Variants in TTC19 observed in about 807,000 individuals in gnomAD.
The protein encoded by TTC19 is tetratricopeptide repeat domain 19.
In TTC19, 38 loss-of-function variants were observed where a neutral mutation model predicts 49.5. The ratio of observed to expected loss-of-function variants is 0.77; its 90% CI spans 0.59 to 1.01. The LOEUF is 1.01. TTC19 is among the 50% of genes least tolerant of loss of function. The pLI, the probability that TTC19 is intolerant of heterozygous loss-of-function variation, is 0.00. For missense variants in TTC19, 475 were observed against 477.7 expected, an observed-to-expected ratio of 0.99 and a Z score of 0.05; for synonymous variants, 204 against 185.2, an observed-to-expected ratio of 1.10 and a Z score of -0.83.
chr17:16,035,681 A>G (rs550989441), intron 2 of TTC19, among the ~76,000 whole-genome samples: 101 of 152,072 alleles, frequency 6.6e-4, no homozygotes, highest in Non-Finnish European at 1.3e-3. Context: ...AGCTGGGACC[A>G]CAGGTACACA....
chr17:16,011,294 C>T (rs1971061755), intron 7 of TTC19, among the ~76,000 whole-genome samples: 1 of 152,190 alleles, frequency 6.6e-6, no homozygotes, highest in Non-Finnish European at 1.5e-5. Context: ...AATTCTCATG[C>T]CTCTGCTTCC....
intron 2 of TTC19, among the ~76,000 whole-genome samples, chr17:16,038,983 A>T (rs1445747858): frequency 6.6e-6 from 1 of 152,070 alleles, no homozygotes; most frequent in Non-Finnish European, 1.5e-5. Context: ...GTTGGCCAGG[A>T]TGGTCTCGAT....
chr17:16,001,099 C>T (rs1400352954), intron 2 of TTC19, among the ~76,000 whole-genome samples: 1 of 152,148 alleles, frequency 6.6e-6, no homozygotes, highest in East Asian at 1.9e-4. Flanking sequence ...TCTTTCCTGG[C>T]CTCCTGGCCT....
rs1971643277 is a variant in TTC19, at chr17:16,028,142, C to A, written c.*620C>A. ...CATTTGAATTTAAATAAAAGTGAAC[C>A]ATATTTATCTGGTTATATAAAACTA... On this transcript the variant is annotated 3_prime_UTR_variant, in exon 10 of 10. Coordinates refer to ENST00000261647, the MANE Select transcript of TTC19 (RefSeq NM_017775.4). 1 of 453,868 alleles carries A rather than the reference C, an allele frequency of 2.2e-6. No homozygotes were observed. The highest frequency in any genetic ancestry group is 2.0e-5 in the African/African-American group (1 of 49,972). The allele number at this position is 453,868 out of a possible 1,614,324, so 28.1% of individuals were successfully genotyped here. A position where few individuals can be genotyped will look rare whatever the true frequency, so the allele number is the denominator to read the frequency against.
downstream of TTC19, chr17:16,032,588 A>T: frequency 1.8e-6 from 2 of 1,105,730 alleles, no homozygotes; most frequent in Non-Finnish European, 2.5e-6. Flanking sequence ...TAAAATGGTC[A>T]TGTGACACCA....
chr17:16,004,284 T>G, intron 6 of TTC19, 22 bp downstream of exon 6: 1 of 1,610,798 alleles, frequency 6.2e-7, no homozygotes, highest in Non-Finnish European at 8.5e-7. Context: ...AGCCAGGGAG[T>G]AGGACTGTGG....
chr17:16,004,292 T>C, intron 6 of TTC19, 30 bp downstream of exon 6: 3 of 1,605,018 alleles, frequency 1.9e-6, no homozygotes, highest in East Asian at 2.2e-5. Context: ...AGTAGGACTG[T>C]GGGCAGGAAA....
At chr17:16,038,277 G>C (rs561882190) in intron 2 of TTC19, among the ~76,000 whole-genome samples, 1 of 152,198 alleles carries the variant, frequency 6.6e-6, no homozygotes, top group African/African-American at 2.4e-5. Context: ...TGGTTTTTTT[G>C]TGTGCTTGTT....
At chr17:16,039,898 C>T (rs2057235152) in intron 2 of TTC19, 2 of 450,312 alleles carry the variant, frequency 4.4e-6, no homozygotes, top group Non-Finnish European at 8.2e-6. Flanking sequence ...TCAAGGGATT[C>T]TCCTACCTCA....
intron 2 of TTC19, among the ~76,000 whole-genome samples, chr17:16,043,025 G>A (rs949715010): frequency 2.0e-5 from 3 of 152,108 alleles, no homozygotes; most frequent in African/African-American, 4.8e-5. Flanking sequence ...TAACAATCAA[G>A]GGCCAGGCAA....
chr17:16,000,134 G>C lies in TTC19; in HGVS notation c.201G>C (p.Ser67=), dbSNP rs1207422191. The change falls in exon 2 of 10, where the codon TCG becomes TCC. Residue 67 remains serine, a synonymous_variant. Coordinates refer to ENST00000261647, the MANE Select transcript of TTC19 (RefSeq NM_017775.4). The part of the protein sequence containing the change: ...LPLLAALAWF[S]RPAAAEEEEQ... ...TTCCCGCAGCGCTCGCCTGGTTCTC[G>C]AGGCCCGCTGCGGCAGAGGAGGAGG... 1.3e-6 allele frequency: 2 copies of C among 1,573,388 alleles called. No individual in the cohort carries two copies. Among genetic ancestry groups the C allele is most frequent in the South Asian group, 1.1e-5 (1 of 88,448 alleles).
At position 16,019,658 on chromosome 17, in the gene TTC19, A is replaced by G. The variant is rs142292957; in HGVS notation, c.677-5359A>G. 4.2e-3 allele frequency among the ~76,000 whole-genome samples: 636 copies of G among 152,308 alleles called. 8 individuals carry two copies. The highest frequency in any genetic ancestry group is 0.015 in the African/African-American group (614 of 41,558). On this transcript the variant is annotated intron_variant, in intron 7 of 9. Transcript: ENST00000261647. ...GGCCCTGTGTGGTTCCCTCACTACAACCATGGTATAGTAGTCCATTGTAGA... is the reference window on the plus strand; with the variant it reads ...GGCCCTGTGTGGTTCCCTCACTACAGCCATGGTATAGTAGTCCATTGTAGA...
rs1012140689 is a variant in TTC19, at chr17:16,004,333, T to A, written c.581+71T>A. 7 of 1,407,236 alleles carry A rather than the reference T, an allele frequency of 5.0e-6. No homozygotes were observed. In the East Asian group the frequency reaches 9.1e-5, roughly 18 times the overall value. The allele number at this position is 1,407,236 out of a possible 1,614,324, so 87.2% of individuals were successfully genotyped here. ...ACTCTGGGATGTTACATAATATTCA[T>A]TGTCTACTGGTCATCTGGGTCTCCC... On this transcript the variant is annotated intron_variant, in intron 6 of 9. Coordinates refer to ENST00000261647, the MANE Select transcript of TTC19 (RefSeq NM_017775.4).
intron 2 of TTC19, among the ~76,000 whole-genome samples, chr17:16,038,170 CAG>C (rs141482737): frequency 0.02 from 3,043 of 151,998 alleles, 109 homozygotes; most frequent in African/African-American, 0.069. Flanking sequence ...TAAACTAAAA[CAG>C]AAATACTGCT....
chr17:16,002,555 G>A, intron 3 of TTC19: 1 of 551,348 alleles, frequency 1.8e-6, no homozygotes, highest in Non-Finnish European at 3.2e-6. Context: ...TCATTAGCAT[G>A]TTTTTTTAAT....
exon 3 of TTC19, chr17:16,044,558 C>T (rs1194327526): frequency 2.0e-6 from 1 of 509,430 alleles, no homozygotes; most frequent in Non-Finnish European, 4.0e-6. Context: ...TGGGATGAGG[C>T]CCTCACTTCA....
In TTC19 at chr17:16,000,133, C is replaced by G; in HGVS notation, c.200C>G (p.Ser67Trp). The G allele has an allele frequency of 6.4e-7, 1 of 1,572,016 alleles. No individual in the cohort carries two copies. The highest frequency in any genetic ancestry group is 8.6e-7 in the Non-Finnish European group (1 of 1,167,384). The stretch of plus-strand genomic sequence containing the variant: ...CTTCCCGCAGCGCTCGCCTGGTTCT[C>G]GAGGCCCGCTGCGGCAGAGGAGGAG... ...LPLLAALAWF[S>W]RPAAAEEEEQ... The change falls in exon 2 of 10, where the codon TCG becomes TGG. Residue 67 changes from serine (S) to tryptophan (W), a missense_variant. Physicochemically the swap from Ser to Trp is radical, Grantham distance 177. Coordinates refer to ENST00000261647, the MANE Select transcript of TTC19 (RefSeq NM_017775.4).
In TTC19 at chr17:16,027,678, C is replaced by T; in HGVS notation, c.*156C>T. ...GTGAAGGAGGGGTTGTACACACTGCCATTTTTGTATTTTAAAGGAAAAATG... is the reference window on the plus strand; with the variant it reads ...GTGAAGGAGGGGTTGTACACACTGCTATTTTTGTATTTTAAAGGAAAAATG... On this transcript the variant is annotated 3_prime_UTR_variant, in exon 10 of 10. Transcript: ENST00000261647. 1 of 833,138 alleles carries T rather than the reference C, an allele frequency of 1.2e-6. No homozygotes were observed. Among genetic ancestry groups the T allele is most frequent in the South Asian group, 1.4e-5 (1 of 69,808 alleles). 51.6% of individuals were successfully genotyped at this position (833,138 alleles called of 1,614,324 possible). A position where few individuals can be genotyped will look rare whatever the true frequency, so the allele number is the denominator to read the frequency against.
intron 2 of TTC19, among the ~76,000 whole-genome samples, chr17:16,000,850 G>A (rs1970705937): frequency 6.6e-6 from 1 of 152,110 alleles, no homozygotes; most frequent in Non-Finnish European, 1.5e-5. Context: ...GATCTTTAAT[G>A]CCTCCTCAAC....
Sources: gnomAD v4.1 joint callset for allele counts (sites outside exome capture counted in the v4.1 genomes callset) on GRCh38, gnomAD v4.1.1 for gene constraint, MANE v1.5 for transcripts, NCBI Gene and HGNC (gene_info 2026-07-23, HGNC 2026-07-21) for gene names.